Variants in WDR88 observed in about 807,000 individuals in gnomAD.
WDR88 encodes WD repeat-containing protein 88.
Under a neutral mutation model 46.8 loss-of-function variants are expected in WDR88, and 40 were observed. The ratio of observed to expected loss-of-function variants is 0.86; its 90% CI spans 0.66 to 1.11. The LOEUF (loss-of-function observed/expected upper bound fraction) is 1.11, where lower values mean the gene tolerates loss of function less well. Ranked by LOEUF, WDR88 falls within the 50% of genes most tolerant of loss-of-function variation. WDR88 has a pLI of 0.00. For missense variants in WDR88, 562 were observed against 602.4 expected, an observed-to-expected ratio of 0.93 and a Z score of 0.70; for synonymous variants, 235 against 240.7, an observed-to-expected ratio of 0.98 and a Z score of 0.22.
At chr19:33,138,214 T>G (rs981754066) in intron 2 of WDR88, among the ~76,000 whole-genome samples, 4 of 152,048 alleles carry the variant, frequency 2.6e-5, no homozygotes, top group African/African-American at 9.7e-5. Context: ...TTTTGTTTTT[T>G]GTTTTTTTGT....
At chr19:33,134,432 A>G (rs1191399522) in intron 1 of WDR88, among the ~76,000 whole-genome samples, 2 of 151,952 alleles carry the variant, frequency 1.3e-5, no homozygotes, top group East Asian at 1.9e-4. Flanking sequence ...GCCTCAAGCA[A>G]TCCTCACTCC....
Position 33,172,283 on chromosome 19 carries a change from T to G in WDR88, c.1150-65T>G, listed in dbSNP as rs10422125. The stretch of plus-strand genomic sequence containing the variant: ...CAGCCCATGTCTTTTGATTGTTGAA[T>G]GACATTCCTTTGTATGGATGTACCA... On this transcript the variant is annotated intron_variant, in intron 9 of 10. Coordinates refer to ENST00000355868, the MANE Select transcript of WDR88 (RefSeq NM_173479.4). 167,997 of 1,327,728 alleles carry G rather than the reference T, an allele frequency of 0.13. 12,326 individuals are homozygous for G. Among genetic ancestry groups the G allele is most frequent in the East Asian group, 0.31 (13,271 of 43,080 alleles). The allele number at this position is 1,327,728 out of a possible 1,614,324, so 82.2% of individuals were successfully genotyped here.
intron 1 of WDR88, among the ~76,000 whole-genome samples, 179 bp downstream of exon 1, chr19:33,132,624 C>T (rs905313802): frequency 6.6e-6 from 1 of 152,202 alleles, no homozygotes; most frequent in Admixed American, 6.5e-5. Flanking sequence ...CCCACCTGAG[C>T]AGGGCGTGCT....
chr19:33,157,179 A>C (rs1350063478), intron 7 of WDR88, among the ~76,000 whole-genome samples: 15 of 151,756 alleles, frequency 9.9e-5, no homozygotes, highest in Non-Finnish European at 1.6e-4. Context: ...CCTGGGCAAC[A>C]GAGTGAGACC....
chr19:33,147,263 G>A (rs112329061), intron 3 of WDR88, among the ~76,000 whole-genome samples: 32 of 151,300 alleles, frequency 2.1e-4, no homozygotes, highest in Non-Finnish European at 4.4e-4. Flanking sequence ...GGCGGGGGGC[G>A]GGGGAGGATG....
chr19:33,142,853 A>AC (rs1264040015), intron 2 of WDR88: 1 of 71,084 alleles, frequency 1.4e-5, no homozygotes, highest in Non-Finnish European at 5.2e-5. Context: ...TAAAAATACA[A>AC]AAAAAAAAAA....
rs907737556 is a variant in WDR88, at chr19:33,157,125, A to T, written c.997+583A>T. Among the ~76,000 whole-genome samples the T allele has an allele frequency of 6.8e-4, 103 of 151,666 alleles. 1 individual carries two copies. The highest frequency in any genetic ancestry group is 2.3e-3 in the African/African-American group (96 of 41,376). On this transcript the variant is annotated intron_variant, in intron 7 of 10. Coordinates refer to ENST00000355868, the MANE Select transcript of WDR88 (RefSeq NM_173479.4). ...GGTGGGAGGATCACTTGAGCCCAGGAGTTTGAGGCTGCAGTGAGCTATGAT... is the reference window on the plus strand; with the variant it reads ...GGTGGGAGGATCACTTGAGCCCAGGTGTTTGAGGCTGCAGTGAGCTATGAT...
chr19:33,144,147 C>T (rs1302871320), intron 2 of WDR88, among the ~76,000 whole-genome samples: 1 of 152,202 alleles, frequency 6.6e-6, no homozygotes, highest in Non-Finnish European at 1.5e-5. Flanking sequence ...CCTCAGTTGG[C>T]CCCGGCCCGC....
chr19:33,168,459 G>C (rs1004411863), intron 9 of WDR88, among the ~76,000 whole-genome samples: 1 of 152,188 alleles, frequency 6.6e-6, no homozygotes, highest in Non-Finnish European at 1.5e-5. Context: ...CAAAAAAGCA[G>C]TTGTGTTTCT....
chr19:33,160,561 G>C (rs1973848607), intron 8 of WDR88, 65 bp downstream of exon 8: 9 of 1,548,340 alleles, frequency 5.8e-6, no homozygotes, highest in Non-Finnish European at 8.0e-6. Context: ...TGTGCTCAAT[G>C]CTGGTTGCTG....
intron 2 of WDR88, among the ~76,000 whole-genome samples, chr19:33,138,629 G>A (rs1395932240): frequency 6.6e-6 from 1 of 150,970 alleles, no homozygotes; most frequent in South Asian, 2.1e-4. Flanking sequence ...TGATAGGTGT[G>A]AGCCACCGTG....
chr19:33,174,711 C>A (rs1262827957), intron 10 of WDR88: 1 of 985,292 alleles, frequency 1.0e-6, no homozygotes, highest in Admixed American at 6.1e-5. Flanking sequence ...CTCTTAGTCC[C>A]ACAATTTTAC....
chr19:33,171,300 G>A (rs1974035094), intron 9 of WDR88, among the ~76,000 whole-genome samples: 1 of 152,106 alleles, frequency 6.6e-6, no homozygotes, highest in Admixed American at 6.6e-5. Context: ...ACTAACTTTT[G>A]AATTAAAGTA....
chr19:33,173,010 T>G (rs1195468750), intron 10 of WDR88, among the ~76,000 whole-genome samples: 2 of 145,908 alleles, frequency 1.4e-5, no homozygotes, highest in African/African-American at 5.1e-5. Flanking sequence ...GAGAATCCCT[T>G]GAACCTGGGA....
At chr19:33,135,159 G>A (rs773957687) in intron 1 of WDR88, among the ~76,000 whole-genome samples, 11 of 151,820 alleles carry the variant, frequency 7.2e-5, no homozygotes, top group Admixed American at 2.6e-4. Context: ...CATAGAAGCT[G>A]TAGTGGTTTC....
chr19:33,162,748 C>T (rs1047950216), intron 8 of WDR88, among the ~76,000 whole-genome samples: 6 of 152,090 alleles, frequency 3.9e-5, no homozygotes, highest in African/African-American at 1.4e-4. Flanking sequence ...TACACAGTGG[C>T]ACACACATTT....
At chr19:33,171,988 G>C (rs544092276) in intron 9 of WDR88, among the ~76,000 whole-genome samples, 2 of 152,208 alleles carry the variant, frequency 1.3e-5, no homozygotes, top group Middle Eastern at 3.4e-3. Context: ...GGTCAGGCTG[G>C]TCTTGAACTC....
At chr19:33,171,769 AGTTTT>A in intron 9 of WDR88, among the ~76,000 whole-genome samples, 1 of 139,828 alleles carries the variant, frequency 7.2e-6, no homozygotes, top group South Asian at 2.6e-4. Context: ...AGTGTCATAT[AGTTTT>A]GTTTGTTTGT....
At chr19:33,137,851 T>G in intron 2 of WDR88, 64 bp downstream of exon 2, 1 of 1,402,252 alleles carries the variant, frequency 7.1e-7, no homozygotes, top group South Asian at 1.2e-5. Flanking sequence ...GCACCTCCTG[T>G]GTCGAGTTCC....
Sources: gnomAD v4.1 joint callset for allele counts (sites outside exome capture counted in the v4.1 genomes callset) on GRCh38, gnomAD v4.1.1 for gene constraint, MANE v1.5 for transcripts, NCBI Gene and HGNC (gene_info 2026-07-23, HGNC 2026-07-21) for gene names.